CACNA2D3: variants seen among roughly 807,000 people sequenced by gnomAD.
CACNA2D3 encodes the protein calcium voltage-gated channel auxiliary subunit alpha2delta 3.
CACNA2D3 carries 60 observed loss-of-function variants against 160.6 expected under a neutral mutation model. The observed-to-expected ratio is 0.37, with a 90% CI of 0.30 to 0.46. The LOEUF (loss-of-function observed/expected upper bound fraction) is 0.46. CACNA2D3 is among the 20% of genes least tolerant of loss of function. The pLI, the probability that CACNA2D3 is intolerant of heterozygous loss-of-function variation, is 1.00. For missense variants in CACNA2D3, 1,205 were observed against 1,365.0 expected (o/e 0.88, Z 1.85); for synonymous variants, 558 against 492.9 (o/e 1.13, Z -1.75).
intron 11 of CACNA2D3, among the ~76,000 whole-genome samples, chr3:54,669,359 C>G (rs1171821147): frequency 6.6e-6 from 1 of 152,180 alleles, no homozygotes; most frequent in East Asian, 1.9e-4. Context: ...AAAAGATGAT[C>G]TCTTTTCATG....
At chr3:54,840,435 G>A (rs1265478807) in intron 16 of CACNA2D3, among the ~76,000 whole-genome samples, 1 of 118,142 alleles carries the variant, frequency 8.5e-6, no homozygotes, top group Admixed American at 1.0e-4. Flanking sequence ...TTTTGAGATG[G>A]ACTCTCACTC....
At chr3:54,683,933 C>G (rs1382513545) in intron 11 of CACNA2D3, among the ~76,000 whole-genome samples, 1 of 149,960 alleles carries the variant, frequency 6.7e-6, no homozygotes, top group Non-Finnish European at 1.5e-5. Context: ...TGGCCATCTT[C>G]CTCTGTGTGT....
chr3:54,482,593 CT>C (rs1233467077), intron 4 of CACNA2D3, among the ~76,000 whole-genome samples: 2 of 152,184 alleles, frequency 1.3e-5, no homozygotes, highest in East Asian at 3.8e-4. Flanking sequence ...TATTTGTCTT[CT>C]TTTCACATGC....
At chr3:54,745,146 G>A (rs1468244972) in intron 11 of CACNA2D3, among the ~76,000 whole-genome samples, 1 of 152,140 alleles carries the variant, frequency 6.6e-6, no homozygotes, top group African/African-American at 2.4e-5. Context: ...GAAGTGCCAA[G>A]GCAAGATGAG....
intron 9 of CACNA2D3, among the ~76,000 whole-genome samples, chr3:54,616,937 G>A (rs1320595393): frequency 6.6e-6 from 1 of 152,116 alleles, no homozygotes; most frequent in Non-Finnish European, 1.5e-5. Context: ...TTAGTTGATG[G>A]TAGCAGTCTC....
At chr3:54,638,883 G>C (rs528626479) in intron 10 of CACNA2D3, 3 of 151,948 alleles carry the variant, frequency 2.0e-5, no homozygotes, top group Non-Finnish European at 4.4e-5. Context: ...GGTCAGGTGA[G>C]AATTGAAGAG....
At chr3:54,318,735 C>T in intron 2 of CACNA2D3, among the ~76,000 whole-genome samples, 1 of 145,748 alleles carries the variant, frequency 6.9e-6, no homozygotes, top group East Asian at 2.1e-4. Flanking sequence ...TACTGTGTCA[C>T]CCAGGCTGGA....
chr3:54,410,311 G>T (rs969638435), intron 4 of CACNA2D3, among the ~76,000 whole-genome samples: 1 of 151,992 alleles, frequency 6.6e-6, no homozygotes, highest in African/African-American at 2.4e-5. Context: ...CCGAGATTGC[G>T]CCACTGCTCT....
intron 3 of CACNA2D3, among the ~76,000 whole-genome samples, chr3:54,374,844 T>C (rs968626206): frequency 6.6e-6 from 1 of 152,240 alleles, no homozygotes; most frequent in Non-Finnish European, 1.5e-5. Flanking sequence ...TTTCTCGTTA[T>C]TGTCTTGGAT....
chr3:54,719,291 T>G lies in CACNA2D3; in HGVS notation c.1168-33308T>G, dbSNP rs139124391. ...TTACTAGTTTTACCATTAAGTCTTA[T>G]GCTGCTTTTGATTTTCATACATATT... On this transcript the variant is annotated intron_variant, in intron 11 of 37. Coordinates refer to ENST00000474759, the MANE Select transcript of CACNA2D3 (RefSeq NM_018398.3). Among the ~76,000 whole-genome samples the G allele has an allele frequency of 1.3e-3, 204 of 152,038 alleles. 1 individual carries two copies. Among genetic ancestry groups the G allele is most frequent in the African/African-American group, 4.6e-3 (192 of 41,558 alleles).
At chr3:54,453,474 T>C (rs1478092893) in intron 4 of CACNA2D3, among the ~76,000 whole-genome samples, 1 of 151,286 alleles carries the variant, frequency 6.6e-6, no homozygotes, top group Non-Finnish European at 1.5e-5. Context: ...TGAAACACCA[T>C]CCCTCTCAGG....
At chr3:54,189,287 A>G (rs1165777339) in intron 2 of CACNA2D3, among the ~76,000 whole-genome samples, 2 of 152,214 alleles carry the variant, frequency 1.3e-5, no homozygotes, top group Admixed American at 1.3e-4. Flanking sequence ...GAGGCTTCCC[A>G]TGAGACCAGC....
chr3:54,293,723 T>C (rs1486710698), intron 2 of CACNA2D3, among the ~76,000 whole-genome samples: 1 of 152,152 alleles, frequency 6.6e-6, no homozygotes, highest in Non-Finnish European at 1.5e-5. Flanking sequence ...TATTTTTATT[T>C]ATATGACATT....
At position 54,367,084 on chromosome 3, in the gene CACNA2D3, G is replaced by A. The variant is rs117734924; in HGVS notation, c.322-19631G>A. ...ATTATTGACTTCGAATCTATCCATCGTTGCCCTCTCACATTTGATAAACTG... is the reference window on the plus strand; with the variant it reads ...ATTATTGACTTCGAATCTATCCATCATTGCCCTCTCACATTTGATAAACTG... On this transcript the variant is annotated intron_variant, in intron 3 of 37. Coordinates refer to ENST00000474759, the MANE Select transcript of CACNA2D3 (RefSeq NM_018398.3). 1.4e-4 allele frequency among the ~76,000 whole-genome samples: 22 copies of A among 152,248 alleles called. No individual in the cohort carries two copies. In the East Asian group the frequency reaches 3.7e-3, roughly 25 times the overall value.
intron 10 of CACNA2D3, among the ~76,000 whole-genome samples, chr3:54,631,169 A>T (rs1699229223): frequency 1.3e-5 from 2 of 150,508 alleles, no homozygotes; most frequent in African/African-American, 5.0e-5. Context: ...GCACCACTGC[A>T]CTTCAGCCTG....
chr3:55,059,866 G>A (rs770442948), intron 35 of CACNA2D3, among the ~76,000 whole-genome samples: 8 of 151,964 alleles, frequency 5.3e-5, no homozygotes, highest in Non-Finnish European at 7.4e-5. Flanking sequence ...CTCTCCAACC[G>A]TCCCCAGCCA....
chr3:54,144,844 GTTTT>G (rs1443596303), intron 2 of CACNA2D3, among the ~76,000 whole-genome samples: 1 of 152,196 alleles, frequency 6.6e-6, no homozygotes, highest in Non-Finnish European at 1.5e-5. Flanking sequence ...AATGCCAAGT[GTTTT>G]TATCATTTTT....
At chr3:54,871,212 C>T (rs1575521789) in intron 17 of CACNA2D3, among the ~76,000 whole-genome samples, 1 of 116,440 alleles carries the variant, frequency 8.6e-6, no homozygotes, top group African/African-American at 3.3e-5. Context: ...CACACACACA[C>T]ACACACACAC....
At chr3:54,541,022 A>C (rs1351272843) in intron 5 of CACNA2D3, among the ~76,000 whole-genome samples, 1 of 152,166 alleles carries the variant, frequency 6.6e-6, no homozygotes, top group Non-Finnish European at 1.5e-5. Flanking sequence ...TCACGCCTGT[A>C]ATCCCAGCAC....
Sources: allele counts gnomAD v4.1 joint callset (sites outside exome capture counted in the v4.1 genomes callset), GRCh38; gene constraint gnomAD v4.1.1; transcripts MANE v1.5; gene names NCBI Gene and HGNC (gene_info 2026-07-23, HGNC 2026-07-21).